The following PRMT8 variants were observed in gnomAD, a reference collection of about 807,000 sequenced individuals.
The protein encoded by PRMT8 is protein arginine methyltransferase 8.
PRMT8 carries 7 observed loss-of-function variants against 47.1 expected under a neutral mutation model. That is an observed-to-expected ratio of 0.15 (90% CI 0.08 to 0.28). The LOEUF (loss-of-function observed/expected upper bound fraction) is 0.28. Among genes scored for constraint, PRMT8 ranks in the 10% least tolerant of loss-of-function variants. PRMT8 has a pLI of 1.00. For missense variants in PRMT8, 237 were observed against 505.4 expected (o/e 0.47, Z 5.09); for synonymous variants, 188 against 186.5 (o/e 1.01, Z -0.07).
At chr12:3,542,517 T>G (rs1866249809) in intron 2 of PRMT8, among the ~76,000 whole-genome samples, 2 of 152,328 alleles carry the variant, frequency 1.3e-5, no homozygotes, top group South Asian at 4.1e-4. Context: ...AGTCATGTTC[T>G]CCATGTGACA....
At chr12:3,477,991 G>A (rs187062525) in intron 1 of PRMT8, among the ~76,000 whole-genome samples, 6 of 152,238 alleles carry the variant, frequency 3.9e-5, no homozygotes, top group Admixed American at 3.9e-4. Flanking sequence ...GCTAGGGGAG[G>A]ATGGTCCTCT....
chr12:3,416,447 G>A (rs763112410), intron 1 of PRMT8, among the ~76,000 whole-genome samples: 1 of 152,210 alleles, frequency 6.6e-6, no homozygotes, highest in African/African-American at 2.4e-5. Flanking sequence ...CTGGAAGGCA[G>A]GAATCAATTC....
rs1156873292 is a variant in PRMT8, at chr12:3,580,197, G to A, written c.829-2861G>A. On this transcript the variant is annotated intron_variant, in intron 7 of 9. Coordinates refer to ENST00000382622, the MANE Select transcript of PRMT8 (RefSeq NM_019854.5). This position sits in a 1 kb window ranked among gnomAD's most constrained non-coding sequence, Gnocchi z 4.6. ...CCTAAAGGCTTTTGTTCTATCAGAG[G>A]CCTCTATTAAGATGCAAATGTCTCA... 1.3e-5 allele frequency among the ~76,000 whole-genome samples: 2 copies of A among 152,236 alleles called. No homozygotes were observed. Among genetic ancestry groups the A allele is most frequent in the Non-Finnish European group, 1.5e-5 (1 of 68,022 alleles).
At chr12:3,441,017 A>G (rs1266442257) in intron 1 of PRMT8, among the ~76,000 whole-genome samples, 2 of 152,152 alleles carry the variant, frequency 1.3e-5, no homozygotes, top group Non-Finnish European at 2.9e-5. Context: ...AGCTCTGACA[A>G]TCATTATTAG....
chr12:3,512,017 G>T (rs1398575953), intron 1 of PRMT8, among the ~76,000 whole-genome samples: 1 of 152,132 alleles, frequency 6.6e-6, no homozygotes, highest in Non-Finnish European at 1.5e-5. Context: ...TTGGGAGTGT[G>T]GGGGGCAGTG....
Position 3,550,379 on chromosome 12 carries a change from C to T in PRMT8, c.417+288C>T. Reference sequence around the variant, plus strand: ...ACCTTTCAGTGCTTAGCCCCAAGGTCAGCTTCAGAGGCAGTGCAGGTGGTT... The same window carrying T: ...ACCTTTCAGTGCTTAGCCCCAAGGTTAGCTTCAGAGGCAGTGCAGGTGGTT... On this transcript the variant is annotated intron_variant, in intron 3 of 9. Coordinates refer to ENST00000382622, the MANE Select transcript of PRMT8 (RefSeq NM_019854.5). This position sits in a 1 kb window ranked among gnomAD's most constrained non-coding sequence, Gnocchi z 5.1. The T allele has an allele frequency of 2.9e-6, 1 of 349,296 alleles. No individual in the cohort carries two copies. Among genetic ancestry groups the T allele is most frequent in the Non-Finnish European group, 5.4e-6 (1 of 186,590 alleles). 21.6% of individuals were successfully genotyped at this position (349,296 alleles called of 1,614,324 possible).
At chr12:3,547,461 C>T (rs1178771291) in intron 2 of PRMT8, among the ~76,000 whole-genome samples, 1 of 151,776 alleles carries the variant, frequency 6.6e-6, no homozygotes, top group Non-Finnish European at 1.5e-5. Flanking sequence ...TTTTAAACAC[C>T]ATATACAGTA....
chr12:3,547,799 A>T (rs1422206133), intron 2 of PRMT8, among the ~76,000 whole-genome samples: 2 of 152,252 alleles, frequency 1.3e-5, no homozygotes, highest in Admixed American at 6.5e-5. Context: ...GTGTTCTTGG[A>T]TTATAAAACT....
intron 8 of PRMT8, among the ~76,000 whole-genome samples, chr12:3,585,159 T>A (rs763893927): frequency 1.3e-5 from 2 of 151,986 alleles, no homozygotes; most frequent in Non-Finnish European, 2.9e-5. Context: ...CTCTAAGAAG[T>A]GTATGATGAT....
chr12:3,524,947 G>T (rs748804610), intron 1 of PRMT8, among the ~76,000 whole-genome samples: 1 of 152,210 alleles, frequency 6.6e-6, no homozygotes, highest in African/African-American at 2.4e-5. Flanking sequence ...ATATGGCCAG[G>T]TGCAGTGCCT....
chr12:3,449,589 T>C (rs1591553029), intron 1 of PRMT8, among the ~76,000 whole-genome samples: 1 of 152,236 alleles, frequency 6.6e-6, no homozygotes, highest in Admixed American at 6.5e-5. Flanking sequence ...GGGTTGTTTT[T>C]TTCTTGTAAA....
intron 1 of PRMT8, among the ~76,000 whole-genome samples, chr12:3,481,025 C>T (rs1865269932): frequency 6.6e-6 from 1 of 152,202 alleles, no homozygotes; most frequent in Non-Finnish European, 1.5e-5. Context: ...TGGGAGGATG[C>T]ATGTGAGACT....
At position 3,569,027 on chromosome 12, in the gene PRMT8, T is replaced by C. The variant is rs1866791595; in HGVS notation, c.624+179T>C. On this transcript the variant is annotated intron_variant, in intron 5 of 9. Coordinates refer to ENST00000382622, the MANE Select transcript of PRMT8 (RefSeq NM_019854.5). This position sits in a 1 kb window ranked among gnomAD's most constrained non-coding sequence, Gnocchi z 8.2. ...CAGGGAACAGAATGGTTGCCCCGGGTCCAGCATGTGTAACCATCAGAGTGG... is the reference window on the plus strand; with the variant it reads ...CAGGGAACAGAATGGTTGCCCCGGGCCCAGCATGTGTAACCATCAGAGTGG... Among the ~76,000 whole-genome samples, 1 of 152,058 alleles carries C rather than the reference T, an allele frequency of 6.6e-6. No individual in the cohort carries two copies. The highest frequency in any genetic ancestry group is 2.4e-5 in the African/African-American group (1 of 41,416).
chr12:3,388,968 C>G (rs1016838533), intron 1 of PRMT8, among the ~76,000 whole-genome samples: 1 of 152,140 alleles, frequency 6.6e-6, no homozygotes, highest in Non-Finnish European at 1.5e-5. Flanking sequence ...TTCCAGTGAA[C>G]CTTAGGCTGT....
intron 4 of PRMT8, among the ~76,000 whole-genome samples, chr12:3,562,359 A>G (rs931734782): frequency 6.6e-6 from 1 of 151,976 alleles, no homozygotes; most frequent in African/African-American, 2.4e-5. Flanking sequence ...TGAGCCACGT[A>G]CTAGGTCCTG....
chr12:3,580,643 G>A lies in PRMT8; in HGVS notation c.829-2415G>A, dbSNP rs1044405176. On this transcript the variant is annotated intron_variant, in intron 7 of 9. Coordinates refer to ENST00000382622, the MANE Select transcript of PRMT8 (RefSeq NM_019854.5). This position sits in a 1 kb window ranked among gnomAD's most constrained non-coding sequence, Gnocchi z 4.6. ...AACTTCTGCCACTGAAGGCTTCAGTGTATCGGCCAGGGCAAGGGCGAAGGT... is the reference window on the plus strand; with the variant it reads ...AACTTCTGCCACTGAAGGCTTCAGTATATCGGCCAGGGCAAGGGCGAAGGT... 6.6e-6 allele frequency among the ~76,000 whole-genome samples: 1 copy of A among 152,186 alleles called. No individual in the cohort carries two copies. The highest frequency in any genetic ancestry group is 1.5e-5 in the Non-Finnish European group (1 of 68,042).
chr12:3,525,463 A>G (rs1054486682), intron 1 of PRMT8, among the ~76,000 whole-genome samples: 1 of 152,112 alleles, frequency 6.6e-6, no homozygotes, highest in South Asian at 2.1e-4. Flanking sequence ...GAATCTTCCT[A>G]CTTCTCCATT....
At chr12:3,417,928 T>C (rs538482202) in intron 1 of PRMT8, among the ~76,000 whole-genome samples, 17 of 152,288 alleles carry the variant, frequency 1.1e-4, no homozygotes, top group African/African-American at 3.8e-4. Context: ...TCCTTACCAG[T>C]TGGGGAACTT....
At chr12:3,396,675 C>T (rs1273343744) in intron 1 of PRMT8, among the ~76,000 whole-genome samples, 1 of 151,118 alleles carries the variant, frequency 6.6e-6, no homozygotes, top group African/African-American at 2.4e-5. Context: ...TTTGGTGAAT[C>T]TGACAATTAT....
Sources: allele counts gnomAD v4.1 joint callset (sites outside exome capture counted in the v4.1 genomes callset), GRCh38; gene constraint gnomAD v4.1.1; non-coding constraint Gnocchi (gnomAD v3.1); transcripts MANE v1.5; gene names NCBI Gene and HGNC (gene_info 2026-07-23, HGNC 2026-07-21).